The following CACNB2 variants were observed in gnomAD, a reference collection of about 807,000 sequenced individuals.
The protein encoded by CACNB2 is voltage-dependent L-type calcium channel subunit beta-2.
Under a neutral mutation model 73.3 loss-of-function variants are expected in CACNB2, and 42 were observed. That is an observed-to-expected ratio of 0.57 (90% CI 0.45 to 0.74). The LOEUF (loss-of-function observed/expected upper bound fraction) is 0.74. Ranked by LOEUF, CACNB2 falls within the 30% of genes least tolerant of loss-of-function variation. The probability of loss-of-function intolerance (pLI) is 0.00; values close to 1 mark genes in which losing one functional copy is unlikely to be tolerated. For synonymous variants in CACNB2, 348 were observed against 310.3 expected (o/e 1.12, Z -1.28); for missense variants, 940 against 853.0 (o/e 1.10, Z -1.27).
chr10:18,385,419 T>A (rs911963102), intron 2 of CACNB2, among the ~76,000 whole-genome samples: 1 of 127,082 alleles, frequency 7.9e-6, no homozygotes, highest in African/African-American at 3.0e-5. Context: ...TTAAATGTTC[T>A]AGAGCTAGCC....
chr10:18,407,109 C>CTTTTTTTTTTTTTTTTTTTTT lies in CACNB2; in HGVS notation c.333+5077_333+5097dup, dbSNP rs71507267. Among the ~76,000 whole-genome samples the CTTTTTTTTTTTTTTTTTTTTT allele has an allele frequency of 3.2e-3, 115 of 35,618 alleles. 37 individuals carry two copies. The highest frequency in any genetic ancestry group is 4.3e-3 in the Non-Finnish European group (84 of 19,392). 23.4% of individuals were successfully genotyped at this position (35,618 alleles called of 152,430 possible). Reference sequence around the variant, plus strand: ...CTAAAGTCCAGACCTGCTGTTCTGTCTTTTTTTTTTTTTTTTTTTTTTTTT... The same window carrying CTTTTTTTTTTTTTTTTTTTTT: ...CTAAAGTCCAGACCTGCTGTTCTGTCTTTTTTTTTTTTTTTTTTTTTTTTTTTTTTTTTTTTTTTTTTTTTT... On this transcript the variant is annotated intron_variant, in intron 3 of 13. Coordinates refer to ENST00000324631, the MANE Select transcript of CACNB2 (RefSeq NM_201596.3).
chr10:18,165,363 C>T (rs553051840), intron 2 of CACNB2, among the ~76,000 whole-genome samples: 26 of 152,268 alleles, frequency 1.7e-4, no homozygotes, highest in African/African-American at 5.3e-4. Context: ...CTGAAGGTGT[C>T]GATGTCAAAA....
chr10:18,216,100 A>G (rs982301080), intron 2 of CACNB2, among the ~76,000 whole-genome samples: 3 of 151,200 alleles, frequency 2.0e-5, no homozygotes, highest in Non-Finnish European at 4.4e-5. Context: ...GTTTGAGACC[A>G]GCCTGACCAA....
intron 2 of CACNB2, among the ~76,000 whole-genome samples, chr10:18,241,587 A>C (rs1347991948): frequency 6.6e-6 from 1 of 152,166 alleles, no homozygotes; most frequent in East Asian, 1.9e-4. Flanking sequence ...GTATATTAAA[A>C]AAAAAAGATA....
intron 2 of CACNB2, among the ~76,000 whole-genome samples, chr10:18,352,698 A>T (rs576053640): frequency 2.6e-5 from 4 of 152,348 alleles, no homozygotes; most frequent in African/African-American, 9.6e-5. Flanking sequence ...TTTTTCAAGG[A>T]ACACTTAGAG....
At chr10:18,188,463 C>CCAACATG in intron 2 of CACNB2, among the ~76,000 whole-genome samples, 1 of 152,168 alleles carries the variant, frequency 6.6e-6, no homozygotes, top group South Asian at 2.1e-4. Flanking sequence ...CACACAAATG[C>CCAACATG]CAACATGCCT....
chr10:18,411,207 C>T (rs562400834), intron 3 of CACNB2, among the ~76,000 whole-genome samples: 4 of 152,182 alleles, frequency 2.6e-5, no homozygotes, highest in East Asian at 1.9e-4. Flanking sequence ...TAGCCGCATG[C>T]GTTTGTTTAT....
chr10:18,462,166 C>G (rs2047615821), intron 3 of CACNB2, among the ~76,000 whole-genome samples: 1 of 152,152 alleles, frequency 6.6e-6, no homozygotes, highest in Admixed American at 6.5e-5. Context: ...GATCCTGGGA[C>G]AGAATATTCA....
intron 2 of CACNB2, among the ~76,000 whole-genome samples, chr10:18,306,310 CA>C (rs1411661340): frequency 1.3e-5 from 2 of 152,094 alleles, no homozygotes; most frequent in African/African-American, 4.8e-5. Flanking sequence ...TATTTGTAGA[CA>C]CAGAACAAAT....
intron 9 of CACNB2, among the ~76,000 whole-genome samples, chr10:18,525,798 CAACT>C (rs1184848472): frequency 6.6e-6 from 1 of 151,962 alleles, no homozygotes; most frequent in Non-Finnish European, 1.5e-5. Context: ...TCCTATCTTC[CAACT>C]CTTTTTTGTT....
chr10:18,434,697 G>C (rs1313728342), intron 3 of CACNB2, among the ~76,000 whole-genome samples: 1 of 152,062 alleles, frequency 6.6e-6, no homozygotes. Flanking sequence ...CATTGTGCCT[G>C]GCCCTAAAAA....
At chr10:18,204,050 TC>T in intron 2 of CACNB2, among the ~76,000 whole-genome samples, 1 of 152,302 alleles carries the variant, frequency 6.6e-6, no homozygotes, top group African/African-American at 2.4e-5. Flanking sequence ...AGGAAGCTTA[TC>T]CTTATAGGAG....
chr10:18,510,107 G>A (rs1467942197), intron 6 of CACNB2, among the ~76,000 whole-genome samples: 4 of 152,050 alleles, frequency 2.6e-5, no homozygotes, highest in Non-Finnish European at 5.9e-5. Context: ...AGAATTCTAC[G>A]TATTTCAAAA....
intron 2 of CACNB2, among the ~76,000 whole-genome samples, chr10:18,252,494 C>T (rs904011992): frequency 7.2e-5 from 11 of 152,110 alleles, no homozygotes; most frequent in African/African-American, 4.8e-5. Context: ...GGATGCATTT[C>T]GAGCCTTGTT....
chr10:18,518,412 A>G lies in CACNB2; in HGVS notation c.881A>G (p.Tyr294Cys), dbSNP rs747533913. 5.6e-6 allele frequency: 9 copies of G among 1,601,990 alleles called. No homozygotes were observed. Among genetic ancestry groups the G allele is most frequent in the Non-Finnish European group, 7.7e-6 (9 of 1,169,140 alleles). The stretch of plus-strand genomic sequence containing the variant: ...CTAGTGGGCCCTTCTCTGAAGGGCT[A>G]CGAGGTGGGTAGCAGCCTTCCACAG... ...VVLVGPSLKG[Y>C]EVTDMMQKAL... is the part of the protein sequence containing the mutation. The change falls in exon 8 of 14, where the codon TAC (tyrosine) becomes TGC (cysteine). Residue 294 changes from tyrosine (Y) to cysteine (C), a missense_variant. Transcript: ENST00000324631.
chr10:18,527,545 G>A, intron 9 of CACNB2, 43 bp from the exon 10 acceptor site: 2 of 1,274,834 alleles, frequency 1.6e-6, no homozygotes, highest in Non-Finnish European at 2.3e-6. Context: ...CCTTTGATTA[G>A]ACCAATAACC....
rs1401706856 is a variant in CACNB2, at chr10:18,338,491, A to G, written c.214-63433A>G. Reference sequence around the variant, plus strand: ...AGGTACCTTAAAGTTCCAAAACTTGATTTTTCTATCAACATTGTGTTTGTA... The same window carrying G: ...AGGTACCTTAAAGTTCCAAAACTTGGTTTTTCTATCAACATTGTGTTTGTA... On this transcript the variant is annotated intron_variant, in intron 2 of 13. Coordinates refer to ENST00000324631, the MANE Select transcript of CACNB2 (RefSeq NM_201596.3). Among the ~76,000 whole-genome samples the G allele has an allele frequency of 5.3e-5, 8 of 152,100 alleles. No individual in the cohort carries two copies. The South Asian group carries it at 1.5e-3, about 28-fold the overall frequency.
intron 2 of CACNB2, among the ~76,000 whole-genome samples, chr10:18,192,425 G>A (rs1164487591): frequency 6.6e-6 from 1 of 152,098 alleles, no homozygotes; most frequent in Non-Finnish European, 1.5e-5. Context: ...ATGGCTGACT[G>A]TAGCCGCCAA....
chr10:18,538,540 C>T (rs1013442082), intron 13 of CACNB2, among the ~76,000 whole-genome samples, 175 bp downstream of exon 13: 1 of 152,056 alleles, frequency 6.6e-6, no homozygotes. Context: ...GCACCATCAA[C>T]AGAATATATT....
Sources: gnomAD v4.1 joint callset for allele counts (sites outside exome capture counted in the v4.1 genomes callset) on GRCh38, gnomAD v4.1.1 for gene constraint, MANE v1.5 for transcripts, NCBI Gene and HGNC (gene_info 2026-07-23, HGNC 2026-07-21) for gene names.